The following MYO18B variants were observed in gnomAD, a reference collection of about 807,000 sequenced individuals.
MYO18B encodes unconventional myosin-XVIIIb.
In MYO18B, 204 loss-of-function variants were observed where a neutral mutation model predicts 273.0. The ratio of observed to expected loss-of-function variants is 0.75; its 90% CI spans 0.67 to 0.84. MYO18B has a LOEUF of 0.84. MYO18B is among the 40% of genes least tolerant of loss of function. The pLI is 0.00. For synonymous variants in MYO18B, 1,330 were observed against 1,305.7 expected (o/e 1.02, Z -0.40); for missense variants, 3,212 against 3,287.6 (o/e 0.98, Z 0.56).
rs562242373 is a variant in MYO18B, at chr22:25,811,179, AT to A, written c.2522-12311del. Among the ~76,000 whole-genome samples, 1,044 of 127,788 alleles carry A rather than the reference AT, an allele frequency of 8.2e-3. 12 individuals carry two copies. Among genetic ancestry groups the A allele is most frequent in the South Asian group, 0.048 (193 of 3,996 alleles). 83.8% of individuals were successfully genotyped at this position (127,788 alleles called of 152,430 possible). A position where few individuals can be genotyped will look rare whatever the true frequency, so the allele number is the denominator to read the frequency against. On this transcript the variant is annotated intron_variant, in intron 12 of 43. Transcript: ENST00000335473. ...CAGGTGGCCGCCACTGTGCCCGGCT[AT>A]TTTTTTTTTTTTTTGTAGTTTTAGT...
At chr22:25,874,790 C>A (rs16980933) in intron 23 of MYO18B, among the ~76,000 whole-genome samples, 4,521 of 152,234 alleles carry the variant, frequency 0.03, 236 homozygotes, top group African/African-American at 0.1. Context: ...CATTTAGGGT[C>A]ACCATCTTCA....
intron 12 of MYO18B, among the ~76,000 whole-genome samples, chr22:25,821,287 C>T (rs2089270546): frequency 6.7e-6 from 1 of 148,916 alleles, no homozygotes; most frequent in Non-Finnish European, 1.5e-5. Context: ...TTCCCACCAA[C>T]AATGTCTAAG....
chr22:25,905,359 C>A (rs942986240), intron 31 of MYO18B, among the ~76,000 whole-genome samples: 3 of 152,202 alleles, frequency 2.0e-5, no homozygotes, highest in Non-Finnish European at 4.4e-5. Flanking sequence ...TTATTAAGTA[C>A]CTCCTCTGCA....
intron 22 of MYO18B, among the ~76,000 whole-genome samples, chr22:25,870,157 G>A (rs889351232): frequency 6.6e-6 from 1 of 152,130 alleles, no homozygotes; most frequent in Non-Finnish European, 1.5e-5. Context: ...CAAATGCCAG[G>A]GTCTTTTCCG....
chr22:25,761,713 G>C (rs2086325604), intron 2 of MYO18B, among the ~76,000 whole-genome samples: 1 of 152,178 alleles, frequency 6.6e-6, no homozygotes, highest in South Asian at 2.1e-4. Flanking sequence ...TGAGTTGGAG[G>C]TGGGAGGGTG....
At chr22:26,056,533 C>G in the MYO18B span, among the ~76,000 whole-genome samples, 1 of 152,202 alleles carries the variant, frequency 6.6e-6, no homozygotes, top group East Asian at 1.9e-4. Flanking sequence ...GTATGGCATC[C>G]TGTGATCTCC....
At chr22:25,792,497 C>CTGTCTT (rs2087714774) in intron 11 of MYO18B, among the ~76,000 whole-genome samples, 1 of 107,956 alleles carries the variant, frequency 9.3e-6, no homozygotes, top group African/African-American at 3.7e-5. Flanking sequence ...TTTTTCTTTT[C>CTGTCTT]TTTTTTTTTT....
At chr22:25,925,422 A>G (rs1168198287) in intron 34 of MYO18B, among the ~76,000 whole-genome samples, 2 of 152,170 alleles carry the variant, frequency 1.3e-5, no homozygotes, top group Admixed American at 1.3e-4. Flanking sequence ...AGTGTGACAG[A>G]TCTTATTTCC....
At chr22:25,868,499 A>C (rs1049643138) in intron 22 of MYO18B, 114 bp downstream of exon 22, 13 of 849,622 alleles carry the variant, frequency 1.5e-5, no homozygotes, top group African/African-American at 5.1e-5. Context: ...CTTTTTCCCA[A>C]ACTGAAGGTA....
At chr22:26,055,420 C>G in the MYO18B span, among the ~76,000 whole-genome samples, 198 of 152,326 alleles carry the variant, frequency 1.3e-3, no homozygotes, top group African/African-American at 4.5e-3. Context: ...CCTGTCTACT[C>G]TAATCCGGTG....
chr22:25,797,199 G>C (rs1027080450), intron 11 of MYO18B, among the ~76,000 whole-genome samples: 1 of 152,234 alleles, frequency 6.6e-6, no homozygotes, highest in Non-Finnish European at 1.5e-5. Context: ...TTGCACTCCA[G>C]CCTGGGCAAC....
intron 21 of MYO18B, among the ~76,000 whole-genome samples, chr22:25,858,490 C>T (rs1014013290): frequency 6.6e-6 from 1 of 152,200 alleles, no homozygotes; most frequent in Non-Finnish European, 1.5e-5. Context: ...AGCTATGGCT[C>T]TTCATTATTT....
At chr22:25,849,491 A>G (rs1352060589) in intron 20 of MYO18B, among the ~76,000 whole-genome samples, 1 of 152,206 alleles carries the variant, frequency 6.6e-6, no homozygotes, top group Non-Finnish European at 1.5e-5. Context: ...ATATGCATAT[A>G]TACACATGCA....
intron 29 of MYO18B, chr22:25,898,854 A>G (rs114017805): frequency 0.039 from 7,086 of 182,206 alleles, 528 homozygotes; most frequent in African/African-American, 0.15. Context: ...TAGATGTGTG[A>G]CCTTGAGCAG....
At chr22:26,019,994 C>T (rs779050365) in intron 42 of MYO18B, among the ~76,000 whole-genome samples, 1 of 150,786 alleles carries the variant, frequency 6.6e-6, no homozygotes, top group African/African-American at 2.4e-5. Context: ...TTGAGTTTCC[C>T]GTCAGCCTTC....
chr22:25,889,003 C>T (rs2091581032), intron 25 of MYO18B, among the ~76,000 whole-genome samples: 1 of 151,550 alleles, frequency 6.6e-6, no homozygotes, highest in Non-Finnish European at 1.5e-5. Context: ...TACAGAAATG[C>T]ATCACAAGAA....
chr22:25,784,065 T>G (rs13058364), intron 10 of MYO18B, among the ~76,000 whole-genome samples: 23,624 of 152,200 alleles, frequency 0.16, 2,404 homozygotes, highest in Admixed American at 0.25. Context: ...CCAGATCCCT[T>G]TTTTAGAGGA....
At chr22:25,744,217 G>A (rs897152601) in intron 1 of MYO18B, among the ~76,000 whole-genome samples, 1 of 152,182 alleles carries the variant, frequency 6.6e-6, no homozygotes, top group African/African-American at 2.4e-5. Context: ...TCCTCCAGGG[G>A]TAAGATCAAG....
At chr22:25,809,380 A>G (rs16980793) in intron 12 of MYO18B, among the ~76,000 whole-genome samples, 10,027 of 152,246 alleles carry the variant, frequency 0.066, 578 homozygotes, top group East Asian at 0.21. Context: ...TTCGGAACTC[A>G]AAATAGTGAC....
Sources: gnomAD v4.1 joint callset for allele counts (sites outside exome capture counted in the v4.1 genomes callset) on GRCh38, gnomAD v4.1.1 for gene constraint, MANE v1.5 for transcripts, NCBI Gene and HGNC (gene_info 2026-07-23, HGNC 2026-07-21) for gene names.